The following ZRANB2 variants were observed in gnomAD, a reference collection of about 807,000 sequenced individuals.
ZRANB2 encodes zinc finger RANBP2-type containing 2.
In ZRANB2, 19 loss-of-function variants were observed where a neutral mutation model predicts 53.4. The ratio of observed to expected loss-of-function variants is 0.36; its 90% CI spans 0.25 to 0.52. The LOEUF is 0.52. Ranked by LOEUF, ZRANB2 falls within the 20% of genes least tolerant of loss-of-function variation. The pLI is 0.93. For synonymous variants in ZRANB2, 145 were observed against 134.8 expected, an observed-to-expected ratio of 1.08 and a Z score of -0.52; for missense variants, 309 against 401.1, an observed-to-expected ratio of 0.77 and a Z score of 1.96.
At chr1:71,075,581 A>G (rs1428281012) in intron 4 of ZRANB2, among the ~76,000 whole-genome samples, 1 of 152,138 alleles carries the variant, frequency 6.6e-6, no homozygotes. Context: ...TAGAGGAAAG[A>G]AAGAGGGCCA....
At chr1:71,073,948 A>C (rs1661650444) in intron 4 of ZRANB2, among the ~76,000 whole-genome samples, 1 of 152,114 alleles carries the variant, frequency 6.6e-6, no homozygotes, top group Non-Finnish European at 1.5e-5. Flanking sequence ...TGAATACCTG[A>C]GATAGTGGAA....
chr1:71,069,877 A>G (rs1661557929), intron 7 of ZRANB2, among the ~76,000 whole-genome samples: 1 of 152,136 alleles, frequency 6.6e-6, no homozygotes. Flanking sequence ...TTGTTAGGTA[A>G]TTATATTATT....
chr1:71,068,863 A>G (rs1045795277), intron 8 of ZRANB2, among the ~76,000 whole-genome samples: 2 of 151,048 alleles, frequency 1.3e-5, no homozygotes, highest in African/African-American at 4.9e-5. Flanking sequence ...ATCAAGGTTC[A>G]CTACAACCTT....
chr1:71,078,418 T>G (rs1315483326), intron 3 of ZRANB2, 39 bp downstream of exon 3: 2 of 1,560,432 alleles, frequency 1.3e-6, no homozygotes, highest in Non-Finnish European at 1.8e-6. Context: ...AGATCTATTA[T>G]TTTGGAAGAA....
chr1:71,077,547 A>G (rs1265534049), intron 3 of ZRANB2, among the ~76,000 whole-genome samples: 2 of 152,290 alleles, frequency 1.3e-5, no homozygotes, highest in East Asian at 3.9e-4. Context: ...TGAGGATCAG[A>G]AATTTATTTA....
At chr1:71,080,857 A>C in intron 1 of ZRANB2, 83 bp downstream of exon 1, 1 of 1,539,668 alleles carries the variant, frequency 6.5e-7, no homozygotes, top group Non-Finnish European at 9.0e-7. Flanking sequence ...ACAGAAAATC[A>C]TAAAAAAGGA....
intron 9 of ZRANB2, chr1:71,065,558 T>A (rs1483787676): frequency 1.4e-6 from 2 of 1,382,544 alleles, no homozygotes; most frequent in African/African-American, 2.9e-5. Context: ...ACAGCAAGGC[T>A]TCTGTGTATG....
chr1:71,069,405 A>T (rs1252642394), intron 7 of ZRANB2, 43 bp from the exon 8 acceptor site: 1 of 1,501,938 alleles, frequency 6.7e-7, no homozygotes, highest in Non-Finnish European at 9.3e-7. Flanking sequence ...GGACCATTTA[A>T]TTGAGCTTTG....
chr1:71,071,305 ACT>A (rs1661589146), intron 6 of ZRANB2, among the ~76,000 whole-genome samples: 1 of 152,054 alleles, frequency 6.6e-6, no homozygotes. Context: ...AGTCTTAGAC[ACT>A]CTGTTCCTTA....
chr1:71,065,985 A>C (rs1274906157), intron 9 of ZRANB2: 1 of 427,590 alleles, frequency 2.3e-6, no homozygotes, highest in African/African-American at 2.0e-5. Flanking sequence ...CTGTACAAGT[A>C]GGAATCATGA....
chr1:71,067,329 C>A, intron 8 of ZRANB2: 1 of 192,776 alleles, frequency 5.2e-6, no homozygotes, highest in Non-Finnish European at 1.1e-5. Flanking sequence ...TCTTATATAC[C>A]ACTTCCTGAG....
At chr1:71,075,684 G>T (rs1179688338) in intron 4 of ZRANB2, among the ~76,000 whole-genome samples, 2 of 152,122 alleles carry the variant, frequency 1.3e-5, no homozygotes, top group South Asian at 2.1e-4. Flanking sequence ...GGGGGTTGGT[G>T]GGGGCGGTGA....
Position 71,070,842 on chromosome 1 carries a change from G to T in ZRANB2, c.668C>A (p.Ser223Ter). The change falls in exon 7 of 10, where the codon TCA (serine) becomes TAA (stop). Residue 223 changes from serine (S) to a stop codon, truncating the protein, a stop_gained. Transcript: ENST00000370920. LOFTEE classifies it high-confidence loss of function. ...ACCCGTTTACCTGGACCTAGACCTTGAACTTGAGGGGGAGGATGAGCGTGA... is the reference window on the plus strand; with the variant it reads ...ACCCGTTTACCTGGACCTAGACCTTTAACTTGAGGGGGAGGATGAGCGTGA... ...SSSRSSSPSS[S>*]RSRSRSRSRS... 1 of 1,597,064 alleles carries T rather than the reference G, an allele frequency of 6.3e-7. No individual in the cohort carries two copies. Among genetic ancestry groups the T allele is most frequent in the Non-Finnish European group, 8.5e-7 (1 of 1,171,172 alleles).
At chr1:71,065,855 G>C (rs1259782146) in intron 9 of ZRANB2, 6 of 1,518,178 alleles carry the variant, frequency 4.0e-6, no homozygotes, top group Non-Finnish European at 5.4e-6. Flanking sequence ...GAAAGCAACA[G>C]AATGAATTCC....
chr1:71,076,904 G>A (rs1661721705), intron 3 of ZRANB2, 27 bp from the exon 4 acceptor site: 1 of 1,535,884 alleles, frequency 6.5e-7, no homozygotes, highest in Non-Finnish European at 9.0e-7. Context: ...TACTAAATTA[G>A]TAGGCTATAA....
chr1:71,065,467 A>G (rs1661403955), intron 9 of ZRANB2, among the ~76,000 whole-genome samples: 1 of 152,064 alleles, frequency 6.6e-6, no homozygotes, highest in African/African-American at 2.4e-5. Context: ...AAAGCATATA[A>G]ACTTGGTAAT....
rs755298159 is a variant in ZRANB2 at position 71,067,594 on chromosome 1, T to C, written c.771-660A>G. 3 of 402,456 alleles carry C rather than the reference T, an allele frequency of 7.5e-6. No homozygotes were observed. In the Admixed American group the frequency reaches 1.2e-4, roughly 15 times the overall value. The allele number at this position is 402,456 out of a possible 1,614,324, so 24.9% of individuals were successfully genotyped here. A position where few individuals can be genotyped will look rare whatever the true frequency, so the allele number is the denominator to read the frequency against. ...ATGTGCAAATGTTTAAATACAAATT[T>C]TTTTTCTTCACTTGTATATTTTGGT... On this transcript the variant is annotated intron_variant, in intron 8 of 9. Coordinates refer to ENST00000370920, the MANE Select transcript of ZRANB2 (RefSeq NM_203350.3).
intron 8 of ZRANB2, chr1:71,067,496 A>G (rs1002270722): frequency 3.3e-6 from 1 of 306,896 alleles, no homozygotes; most frequent in African/African-American, 2.4e-5. Flanking sequence ...TATATTTACA[A>G]TACTATTTTT....
intron 8 of ZRANB2, 130 bp downstream of exon 8, chr1:71,069,146 G>C: frequency 1.6e-6 from 1 of 642,020 alleles, no homozygotes. Context: ...TGAGGCAAGT[G>C]CATTAGTTTT....
Sources: allele counts gnomAD v4.1 joint callset (sites outside exome capture counted in the v4.1 genomes callset), GRCh38; gene constraint gnomAD v4.1.1; transcripts MANE v1.5; gene names NCBI Gene and HGNC (gene_info 2026-07-23, HGNC 2026-07-21).